Variants in ATP6V0E1 observed in about 807,000 individuals in gnomAD.
ATP6V0E1 encodes V-type proton ATPase subunit e 1.
In ATP6V0E1, 4 loss-of-function variants were observed where a neutral mutation model predicts 11.6. The ratio of observed to expected loss-of-function variants is 0.35; its 90% confidence interval spans 0.17 to 0.79. The LOEUF is 0.79. ATP6V0E1 is among the 30% of genes least tolerant of loss of function. ATP6V0E1 has a pLI of 0.54. For synonymous variants in ATP6V0E1, 36 were observed against 34.8 expected (o/e 1.04, Z -0.13); for missense variants, 105 against 100.0 (o/e 1.05, Z -0.21).
rs1230854295 is a variant in ATP6V0E1, at chr5:173,027,497, G to A, written c.*37-6902G>A. Among the ~76,000 whole-genome samples, 10 of 150,240 alleles carry A rather than the reference G, an allele frequency of 6.7e-5. 1 individual carries two copies. The highest frequency in any genetic ancestry group is 6.3e-4 in the South Asian group (3 of 4,782). ...AGCCTGAGTGACAGAAAGAGACTCC[G>A]TCTCAAAAAAAAAAAATAGTGTATG... On this transcript the variant is annotated intron_variant, in intron 3 of 3. Coordinates refer to ENST00000519374, the MANE Select transcript of ATP6V0E1 (RefSeq NM_003945.4).
At chr5:173,014,115 C>T (rs1022645756) in intron 2 of ATP6V0E1, among the ~76,000 whole-genome samples, 2 of 145,392 alleles carry the variant, frequency 1.4e-5, no homozygotes, top group Middle Eastern at 7.2e-3. Context: ...GAGCCAAGAT[C>T]GTGCCACTGC....
chr5:172,984,474 G>A (rs562235293), intron 1 of ATP6V0E1, among the ~76,000 whole-genome samples: 1 of 152,342 alleles, frequency 6.6e-6, no homozygotes, highest in African/African-American at 2.4e-5. Context: ...GCGCCAGGAG[G>A]CGGTTGGGGC....
At chr5:172,990,280 G>A (rs1227983887) in intron 1 of ATP6V0E1, among the ~76,000 whole-genome samples, 1 of 152,082 alleles carries the variant, frequency 6.6e-6, no homozygotes, top group East Asian at 1.9e-4. Context: ...GCTAAAATCA[G>A]GTCTGTGCCT....
At chr5:173,019,204 C>T (rs1165216679) in intron 2 of ATP6V0E1, among the ~76,000 whole-genome samples, 1 of 152,144 alleles carries the variant, frequency 6.6e-6, no homozygotes, top group Non-Finnish European at 1.5e-5. Context: ...GATCCTTATC[C>T]TCCCAAAGTG....
intron 1 of ATP6V0E1, 53 bp downstream of exon 1, chr5:172,984,017 C>A (rs141222064): frequency 6.4e-7 from 1 of 1,562,628 alleles, no homozygotes; most frequent in Admixed American, 1.7e-5. Context: ...AGCTAGCAGG[C>A]CGGGGCGGGG....
intron 3 of ATP6V0E1, among the ~76,000 whole-genome samples, chr5:173,032,299 T>TTATC (rs1581638952): frequency 6.7e-6 from 1 of 149,910 alleles, no homozygotes; most frequent in Non-Finnish European, 1.5e-5. Context: ...ATTTATTTAT[T>TTATC]TATTTTGAGA....
chr5:173,032,305 T>A (rs1756677191), intron 3 of ATP6V0E1, among the ~76,000 whole-genome samples: 1 of 149,350 alleles, frequency 6.7e-6, no homozygotes, highest in South Asian at 2.1e-4. Context: ...TTATTTATTT[T>A]GAGATGGGGT....
chr5:173,025,967 C>T (rs543918620), intron 3 of ATP6V0E1, among the ~76,000 whole-genome samples: 3 of 151,970 alleles, frequency 2.0e-5, no homozygotes, highest in Admixed American at 6.6e-5. Context: ...AGACATGCCT[C>T]GGCAATATAT....
At chr5:173,010,290 TA>T (rs1463881792) in intron 2 of ATP6V0E1, among the ~76,000 whole-genome samples, 3 of 152,200 alleles carry the variant, frequency 2.0e-5, no homozygotes, top group Non-Finnish European at 4.4e-5. Flanking sequence ...AAATAGGTTG[TA>T]TTTCATTCTG....
intron 2 of ATP6V0E1, among the ~76,000 whole-genome samples, chr5:173,006,025 A>T (rs902864686): frequency 2.6e-5 from 4 of 152,170 alleles, no homozygotes; most frequent in Admixed American, 6.5e-5. Context: ...GACTATCTTG[A>T]CAACCATTTG....
intron 2 of ATP6V0E1, among the ~76,000 whole-genome samples, chr5:173,012,263 C>T (rs1756337172): frequency 6.6e-6 from 1 of 151,758 alleles, no homozygotes; most frequent in African/African-American, 2.4e-5. Flanking sequence ...GACTCCTGAC[C>T]TCAGGTGATC....
At chr5:173,003,261 G>A (rs1561770555) in intron 2 of ATP6V0E1, among the ~76,000 whole-genome samples, 1 of 152,078 alleles carries the variant, frequency 6.6e-6, no homozygotes, top group South Asian at 2.1e-4. Context: ...GGGAAACTGG[G>A]AAGTGAATGA....
At chr5:173,018,652 C>T (rs1035614945) in intron 2 of ATP6V0E1, among the ~76,000 whole-genome samples, 1 of 151,136 alleles carries the variant, frequency 6.6e-6, no homozygotes, top group Admixed American at 6.6e-5. Flanking sequence ...TGCTTGACTT[C>T]CTTCATAACA....
chr5:173,003,952 G>C (rs1306597045), intron 2 of ATP6V0E1, among the ~76,000 whole-genome samples: 1 of 152,210 alleles, frequency 6.6e-6, no homozygotes, highest in Non-Finnish European at 1.5e-5. Flanking sequence ...CAGGGATGCT[G>C]CTGAACATCC....
At chr5:172,994,109 A>G (rs1262951497) in intron 1 of ATP6V0E1, among the ~76,000 whole-genome samples, 1 of 152,104 alleles carries the variant, frequency 6.6e-6, no homozygotes, top group Non-Finnish European at 1.5e-5. Context: ...TGGGAATGGG[A>G]AGGAGGAAAT....
intron 3 of ATP6V0E1, among the ~76,000 whole-genome samples, chr5:173,032,311 G>C (rs960366279): frequency 6.9e-6 from 1 of 145,952 alleles, no homozygotes; most frequent in African/African-American, 2.5e-5. Context: ...ATTTTGAGAT[G>C]GGGTCTTGCT....
At chr5:173,034,217 C>T (rs925859057) in intron 3 of ATP6V0E1, among the ~76,000 whole-genome samples, 182 bp from the exon 4 acceptor site, 3 of 152,186 alleles carry the variant, frequency 2.0e-5, no homozygotes, top group African/African-American at 7.2e-5. Flanking sequence ...GGTTACTGGA[C>T]CTTTTGCCAC....
chr5:173,016,088 A>G (rs902877242), intron 2 of ATP6V0E1, among the ~76,000 whole-genome samples: 2 of 152,132 alleles, frequency 1.3e-5, no homozygotes, highest in African/African-American at 4.8e-5. Flanking sequence ...GCTCTAGTAG[A>G]TTAATTGAAC....
chr5:173,030,536 G>C (rs1201795065), intron 3 of ATP6V0E1, among the ~76,000 whole-genome samples: 5 of 151,504 alleles, frequency 3.3e-5, no homozygotes, highest in Non-Finnish European at 5.9e-5. Context: ...CGCCTCCTGG[G>C]TTCAAGTGAT....
Sources: gnomAD v4.1 joint callset for allele counts (sites outside exome capture counted in the v4.1 genomes callset) on GRCh38, gnomAD v4.1.1 for gene constraint, MANE v1.5 for transcripts, NCBI Gene and HGNC (gene_info 2026-07-23, HGNC 2026-07-21) for gene names.